Variants in DNAH9 observed in about 807,000 individuals in gnomAD.
DNAH9 encodes the protein DNAH9 variant protein.
DNAH9 carries 345 observed loss-of-function variants against 471.6 expected under a neutral mutation model. The ratio of observed to expected loss-of-function variants is 0.73; its 90% CI spans 0.67 to 0.80. The LOEUF (loss-of-function observed/expected upper bound fraction) is 0.80. Ranked by LOEUF, DNAH9 falls within the 30% of genes least tolerant of loss-of-function variation. The pLI, the probability that DNAH9 is intolerant of heterozygous loss-of-function variation, is 0.00. For synonymous variants in DNAH9, 2,093 were observed against 2,123.6 expected (o/e 0.99, Z 0.40); for missense variants, 5,407 against 5,609.2 (o/e 0.96, Z 1.15).
At chr17:11,808,381 C>T (rs1055401637) in intron 44 of DNAH9, among the ~76,000 whole-genome samples, 8 of 152,146 alleles carry the variant, frequency 5.3e-5, no homozygotes, top group Middle Eastern at 3.2e-3. Flanking sequence ...TATATACAAC[C>T]TTCAAAGGTC....
At chr17:11,814,985 C>CA in intron 45 of DNAH9, among the ~76,000 whole-genome samples, 1 of 151,792 alleles carries the variant, frequency 6.6e-6, no homozygotes, top group South Asian at 2.1e-4. Context: ...AAAGTTGGGG[C>CA]AAAAAAGCAA....
At chr17:11,667,449 C>T (rs962819418) in intron 15 of DNAH9, among the ~76,000 whole-genome samples, 2 of 152,096 alleles carry the variant, frequency 1.3e-5, no homozygotes, top group African/African-American at 2.4e-5. Context: ...TGTCCTGAGT[C>T]CAATAATGAG....
At chr17:11,909,913 C>T (rs1217534504) in intron 61 of DNAH9, among the ~76,000 whole-genome samples, 1 of 152,216 alleles carries the variant, frequency 6.6e-6, no homozygotes, top group Non-Finnish European at 1.5e-5. Context: ...TGGCATCTCA[C>T]CACCTTCCCA....
At chr17:11,913,898 T>C (rs1443803774) in intron 61 of DNAH9, among the ~76,000 whole-genome samples, 1 of 152,210 alleles carries the variant, frequency 6.6e-6, no homozygotes, top group Non-Finnish European at 1.5e-5. Flanking sequence ...TCATCTTGTG[T>C]CAGCTATGTC....
chr17:11,894,741 C>G (rs1218717184), intron 59 of DNAH9, among the ~76,000 whole-genome samples: 1 of 152,200 alleles, frequency 6.6e-6, no homozygotes, highest in African/African-American at 2.4e-5. Context: ...CAGAAAGTTC[C>G]TGTGAGCTCC....
intron 49 of DNAH9, among the ~76,000 whole-genome samples, chr17:11,842,781 T>C (rs1971075222): frequency 6.6e-6 from 1 of 152,192 alleles, no homozygotes; most frequent in South Asian, 2.1e-4. Context: ...TGGCAGCTGA[T>C]TAAACGGTGC....
chr17:11,932,196 C>T lies in DNAH9; in HGVS notation c.12288C>T (p.Ala4096=), dbSNP rs774168984. The change falls in exon 64 of 69, where the codon GCC becomes GCT. Residue 4096 remains alanine (A), a synonymous_variant. Transcript: ENST00000262442. The surrounding 1 kb of genome is among the most constrained non-coding windows in gnomAD (Gnocchi z 4.3). ...SVNVLYNFLE[A]NAKVPYDDLR... The stretch of plus-strand genomic sequence containing the variant: ...ATGTCCTCTACAACTTCCTGGAGGC[C>T]AACGCAAAGGTAAAGGCCATGGACA... The T allele has an allele frequency of 1.2e-6, 2 of 1,613,860 alleles. No homozygotes were observed. The highest frequency in any genetic ancestry group is 2.2e-5 in the South Asian group (2 of 91,036).
intron 57 of DNAH9, among the ~76,000 whole-genome samples, chr17:11,891,513 G>T (rs1469258263): frequency 6.6e-6 from 1 of 152,074 alleles, no homozygotes; most frequent in Non-Finnish European, 1.5e-5. Flanking sequence ...TTATAGGCAT[G>T]CACCACTACA....
At chr17:11,847,260 A>G (rs957785037) in intron 49 of DNAH9, among the ~76,000 whole-genome samples, 5 of 152,044 alleles carry the variant, frequency 3.3e-5, no homozygotes, top group African/African-American at 1.2e-4. Flanking sequence ...TGCTTTTGGT[A>G]TCTTTGTCAT....
chr17:11,654,374 A>AAAAAAAAAAAAAAAAAAAAAAAG (rs1353333314), intron 14 of DNAH9, among the ~76,000 whole-genome samples: 4 of 57,756 alleles, frequency 6.9e-5, no homozygotes, highest in Non-Finnish European at 8.3e-5. Context: ...AAAAAAAAAA[A>AAAAAAAAAAAAAAAAAAAAAAAG]AAAAGTTTAA....
At chr17:11,787,598 C>T (rs1197195188) in intron 41 of DNAH9, among the ~76,000 whole-genome samples, 2 of 152,208 alleles carry the variant, frequency 1.3e-5, no homozygotes, top group South Asian at 2.1e-4. Context: ...CAGAACTTCT[C>T]TGTACTCCCC....
At chr17:11,906,568 A>G (rs1364445868) in intron 61 of DNAH9, among the ~76,000 whole-genome samples, 1 of 150,850 alleles carries the variant, frequency 6.6e-6, no homozygotes, top group Non-Finnish European at 1.5e-5. Flanking sequence ...CAGAGGTTGC[A>G]GTGAGCTGAG....
At chr17:11,840,002 C>T (rs1315483344) in intron 49 of DNAH9, among the ~76,000 whole-genome samples, 1 of 152,178 alleles carries the variant, frequency 6.6e-6, no homozygotes, top group Non-Finnish European at 1.5e-5. Flanking sequence ...AAACAGTATA[C>T]AAAGGCTTCT....
At chr17:11,796,730 A>G (rs916245171) in intron 42 of DNAH9, among the ~76,000 whole-genome samples, 1 of 152,230 alleles carries the variant, frequency 6.6e-6, no homozygotes, top group African/African-American at 2.4e-5. Context: ...TAGAAAGCCT[A>G]TTCTTTCTCG....
intron 61 of DNAH9, among the ~76,000 whole-genome samples, chr17:11,918,547 G>A (rs142716257): frequency 1.1e-3 from 160 of 152,162 alleles, no homozygotes; most frequent in Non-Finnish European, 2.1e-3. Context: ...TCTTTAAAAG[G>A]CAAGTAAAAG....
chr17:11,634,287 C>T (rs988979008), intron 8 of DNAH9, among the ~76,000 whole-genome samples: 1 of 152,186 alleles, frequency 6.6e-6, no homozygotes, highest in Non-Finnish European at 1.5e-5. Flanking sequence ...TAAAACCCTT[C>T]CTTCATCCCC....
At chr17:11,708,012 C>CAG (rs2074751655) in intron 26 of DNAH9, among the ~76,000 whole-genome samples, 1 of 50,100 alleles carries the variant, frequency 2.0e-5, no homozygotes, top group African/African-American at 6.5e-5. Flanking sequence ...CACACACACA[C>CAG]ACAGAGAGAG....
rs1030864527 is a variant in DNAH9 at position 11,942,566 on chromosome 17, G to A, written c.12843+81G>A. 5 of 1,443,148 alleles carry A rather than the reference G, an allele frequency of 3.5e-6. No individual in the cohort carries two copies. In the South Asian group the frequency reaches 5.7e-5, roughly 16 times the overall value. The allele number at this position is 1,443,148 out of a possible 1,614,324, so 89.4% of individuals were successfully genotyped here. A position where few individuals can be genotyped will look rare whatever the true frequency, so the allele number is the denominator to read the frequency against. ...CCCTATGGGGAAGAAGGAGCACTGG[G>A]GGACCTGAAAGCTGGGGAGCAGTTG... On this transcript the variant is annotated intron_variant, in intron 67 of 68. Transcript: ENST00000262442.
Position 11,875,045 on chromosome 17 carries a change from C to A in DNAH9, c.10339C>A (p.Arg3447Ser), listed in dbSNP as rs758604109. Residue 3447 changes from arginine (R) to serine (S), a missense_variant, in exon 53 of 69, where the codon CGC becomes AGC. This residue lies in a region of DNAH9 where 4,636 missense variants were observed against 4,900.3 expected (regional missense o/e 0.95). Coordinates refer to ENST00000262442, the MANE Select transcript of DNAH9 (RefSeq NM_001372.4). ...AWQNEGLPADRMSVENATILI... is the reference protein window; with the variant it reads ...AWQNEGLPADSMSVENATILI... ...GCAGAACGAGGGCCTCCCAGCCGAC[C>A]GCATGTCCGTGGAGAATGCCACCAT... 6.2e-7 allele frequency: 1 copy of A among 1,614,108 alleles called. No homozygotes were observed. Among genetic ancestry groups the A allele is most frequent in the Non-Finnish European group, 8.5e-7 (1 of 1,180,012 alleles).
Sources: gnomAD v4.1 joint callset for allele counts (sites outside exome capture counted in the v4.1 genomes callset) on GRCh38, gnomAD v4.1.1 for gene constraint, gnomAD v4.1.1 regional missense constraint, Gnocchi (gnomAD v3.1) non-coding constraint, MANE v1.5 for transcripts, NCBI Gene and HGNC (gene_info 2026-07-23, HGNC 2026-07-21) for gene names.